Variants in ZNF730 observed in about 807,000 individuals in gnomAD.
ZNF730 encodes putative zinc finger protein 730.
ZNF730 carries 12 observed loss-of-function variants against 12.6 expected under a neutral mutation model. The ratio of observed to expected loss-of-function variants is 0.95; its 90% CI spans 0.61 to 1.54. The LOEUF (loss-of-function observed/expected upper bound fraction) is 1.54, where lower values mean the gene tolerates loss of function less well. ZNF730 is among the 40% of genes most tolerant of loss of function. The pLI is 0.00. For synonymous variants in ZNF730, 194 were observed against 195.8 expected, an observed-to-expected ratio of 0.99 and a Z score of 0.08; for missense variants, 643 against 583.5, an observed-to-expected ratio of 1.10 and a Z score of -1.05.
upstream of ZNF730, among the ~76,000 whole-genome samples, chr19:23,113,577 T>C (rs1175606011): frequency 6.6e-6 from 1 of 152,262 alleles, no homozygotes; most frequent in Non-Finnish European, 1.5e-5. Flanking sequence ...GCCATCATTC[T>C]GGACTGAGCT....
chr19:23,078,972 TTTC>T (rs1969916154), intron 1 of ZNF730, among the ~76,000 whole-genome samples: 2 of 151,618 alleles, frequency 1.3e-5, no homozygotes, highest in South Asian at 4.2e-4. Flanking sequence ...GCCTGGCTAA[TTTC>T]TGTATTTTTA....
intron 1 of ZNF730, among the ~76,000 whole-genome samples, chr19:23,104,457 T>G (rs1368105092): frequency 1.3e-5 from 2 of 152,194 alleles, no homozygotes. Context: ...TGTTTAATTT[T>G]TTAGAGTCAA....
chr19:23,075,680 C>G (rs1027499318), intron 1 of ZNF730, among the ~76,000 whole-genome samples: 1 of 152,174 alleles, frequency 6.6e-6, no homozygotes. Flanking sequence ...AGGGTAGAAT[C>G]CCGACTAGGT....
chr19:23,075,431 G>A (rs699642), intron 1 of ZNF730: 22,112 of 153,050 alleles, frequency 0.14, 2,475 homozygotes, highest in African/African-American at 0.31. Context: ...AGAGCGGGCT[G>A]TGAAACCTGC....
Position 23,146,947 on chromosome 19 carries a change from A to C in ZNF730, c.*391A>C. The C allele has an allele frequency of 2.5e-6, 1 of 396,990 alleles. No individual in the cohort carries two copies. The highest frequency in any genetic ancestry group is 4.7e-6 in the Non-Finnish European group (1 of 213,624). 24.6% of individuals were successfully genotyped at this position (396,990 alleles called of 1,614,324 possible). A position where few individuals can be genotyped will look rare whatever the true frequency, so the allele number is the denominator to read the frequency against. ...CTCAAACTTTTCCAGATGTCAAAGA[A>C]ATGCTGGTGAGAAATTCTAGAAATA... On this transcript the variant is annotated 3_prime_UTR_variant, in exon 4 of 4. Coordinates refer to ENST00000597761, the MANE Select transcript of ZNF730 (RefSeq NM_001277403.2).
Position 23,134,180 on chromosome 19 carries a change from A to C in ZNF730, c.104A>C (p.Asp35Ala), listed in dbSNP as rs1372012532. ...AATTTATATAGAAATGTAATGTTAGATAACTACAGAAACCTGGTCTTCCTG... is the reference window on the plus strand; with the variant it reads ...AATTTATATAGAAATGTAATGTTAGCTAACTACAGAAACCTGGTCTTCCTG... ...QQNLYRNVML[D>A]NYRNLVFLGI... is the part of the protein sequence containing the mutation. The change falls in exon 2 of 4, where the codon GAT (aspartate) becomes GCT (alanine). Residue 35 changes from aspartate (D) to alanine (A), a missense_variant. Transcript: ENST00000597761. 1 of 1,611,972 alleles carries C rather than the reference A, an allele frequency of 6.2e-7. No homozygotes were observed. The highest frequency in any genetic ancestry group is 1.1e-5 in the South Asian group (1 of 90,698).
At chr19:23,121,482 C>A (rs1407069010) in intron 1 of ZNF730, among the ~76,000 whole-genome samples, 1 of 152,086 alleles carries the variant, frequency 6.6e-6, no homozygotes, top group Non-Finnish European at 1.5e-5. Flanking sequence ...GCTGGGATTA[C>A]AGGAGTGTGC....
At chr19:23,080,847 C>CTTT (rs552923947) in intron 1 of ZNF730, among the ~76,000 whole-genome samples, 2 of 125,066 alleles carry the variant, frequency 1.6e-5, no homozygotes, top group Non-Finnish European at 3.3e-5. Context: ...TTTTTCTTTT[C>CTTT]TTTTTTTTTT....
chr19:23,109,140 T>TG (rs1286637985), intron 1 of ZNF730, among the ~76,000 whole-genome samples: 1 of 152,178 alleles, frequency 6.6e-6, no homozygotes, highest in Non-Finnish European at 1.5e-5. Context: ...GAATTTTTTT[T>TG]TTGTTGAATT....
In ZNF730 at chr19:23,127,931, C is replaced by T. The variant is rs770446915; in HGVS notation, c.4-6149C>T. ...AAATATGATGTGAAGGTTGGCCTAA[C>T]CAATTACACTGCAATGTATTGTACT... is the stretch of plus-strand genomic sequence containing the variant. On this transcript the variant is annotated intron_variant, in intron 1 of 3. Coordinates refer to ENST00000597761, the MANE Select transcript of ZNF730 (RefSeq NM_001277403.2). 189 of 687,612 alleles carry T rather than the reference C, an allele frequency of 2.7e-4. 1 individual carries two copies. Among genetic ancestry groups the T allele is most frequent in the Non-Finnish European group, 4.2e-4 (160 of 379,336 alleles). The allele number at this position is 687,612 out of a possible 1,614,324, so 42.6% of individuals were successfully genotyped here.
In ZNF730 at chr19:23,145,551, G is replaced by A. The variant is rs768553282; in HGVS notation, c.507G>A (p.Ser169=). Reference sequence around the variant, plus strand: ...ACAGACATAAGATAAGACATACTTCGAAGAAACCTTTCAAATGTAAAGAAT... The same window carrying A: ...ACAGACATAAGATAAGACATACTTCAAAGAAACCTTTCAAATGTAAAGAAT... The part of the protein sequence containing the change: ...NSNRHKIRHT[S]KKPFKCKECG... The change falls in exon 4 of 4, where the codon TCG becomes TCA. Residue 169 remains serine, a synonymous_variant. Coordinates refer to ENST00000597761, the MANE Select transcript of ZNF730 (RefSeq NM_001277403.2). 49 of 1,551,680 alleles carry A rather than the reference G, an allele frequency of 3.2e-5. No homozygotes were observed. The highest frequency in any genetic ancestry group is 8.0e-5 in the Admixed American group (4 of 50,024).
At chr19:23,137,229 T>C (rs1031395588) in intron 3 of ZNF730, among the ~76,000 whole-genome samples, 1 of 152,168 alleles carries the variant, frequency 6.6e-6, no homozygotes, top group Admixed American at 6.5e-5. Context: ...TTAATAGACA[T>C]AAAATATTTT....
At chr19:23,129,526 G>A (rs929854144) in intron 1 of ZNF730, among the ~76,000 whole-genome samples, 1 of 150,812 alleles carries the variant, frequency 6.6e-6, no homozygotes, top group Non-Finnish European at 1.5e-5. Flanking sequence ...CTTTGTTTTG[G>A]CCAATTTCTC....
At chr19:23,109,005 C>T (rs1035940163) in intron 1 of ZNF730, among the ~76,000 whole-genome samples, 1 of 152,110 alleles carries the variant, frequency 6.6e-6, no homozygotes, top group Non-Finnish European at 1.5e-5. Context: ...CTGCCTCGGC[C>T]TCTCATTAAG....
intron 1 of ZNF730, among the ~76,000 whole-genome samples, chr19:23,092,487 G>T (rs926718397): frequency 5.9e-5 from 9 of 152,138 alleles, no homozygotes; most frequent in Non-Finnish European, 1.0e-4. Context: ...TACTTGGGAG[G>T]CTGAAACAGG....
intron 1 of ZNF730, among the ~76,000 whole-genome samples, chr19:23,102,753 C>T (rs932267424): frequency 2.0e-5 from 3 of 152,192 alleles, no homozygotes; most frequent in South Asian, 2.1e-4. Flanking sequence ...GCCTCAGCCT[C>T]GCAAAGTTCT....
chr19:23,146,986 A>C lies in ZNF730; in HGVS notation c.*430A>C. 2.8e-6 allele frequency: 1 copy of C among 353,346 alleles called. No individual in the cohort carries two copies. Among genetic ancestry groups the C allele is most frequent in the Admixed American group, 4.1e-5 (1 of 24,100 alleles). The allele number at this position is 353,346 out of a possible 1,614,324, so 21.9% of individuals were successfully genotyped here. A position where few individuals can be genotyped will look rare whatever the true frequency, so the allele number is the denominator to read the frequency against. On this transcript the variant is annotated 3_prime_UTR_variant, in exon 4 of 4. Coordinates refer to ENST00000597761, the MANE Select transcript of ZNF730 (RefSeq NM_001277403.2). The stretch of plus-strand genomic sequence containing the variant: ...ATTCTAGAAATATGAAGAATGTGAC[A>C]AAGCCATTAAATTGTTGTCACATTT...
upstream of ZNF730, chr19:23,116,843 T>TG (rs1970533091): frequency 2.9e-6 from 1 of 345,696 alleles, no homozygotes; most frequent in African/African-American, 2.1e-5. Flanking sequence ...GAGGAAGTCC[T>TG]GCCCGAAAAG....
rs71163442 is a variant in ZNF730 at position 23,077,424 on chromosome 19, C to CTTTT, written c.-94+2065_-94+2068dup. On this transcript the variant is annotated intron_variant, in intron 1 of 2. Coordinates refer to the ZNF730 transcript ENST00000593635. ...AGCTTTTCCCATAATTCCCTAAGAG[C>CTTTT]TTTTTTTTTTTTTTTTTTTTTTTTT... Among the ~76,000 whole-genome samples, 188 of 45,570 alleles carry CTTTT rather than the reference C, an allele frequency of 4.1e-3. 23 individuals carry two copies. The highest frequency in any genetic ancestry group is 0.014 in the African/African-American group (155 of 11,328). 29.9% of individuals were successfully genotyped at this position (45,570 alleles called of 152,430 possible).
Sources: gnomAD v4.1 joint callset for allele counts (sites outside exome capture counted in the v4.1 genomes callset) on GRCh38, gnomAD v4.1.1 for gene constraint, MANE v1.5 for transcripts, NCBI Gene and HGNC (gene_info 2026-07-23, HGNC 2026-07-21) for gene names.